The following IRF2 variants were observed in gnomAD, a reference collection of about 807,000 sequenced individuals.
The protein encoded by IRF2 is interferon regulatory factor 2.
In IRF2, 15 loss-of-function variants were observed where a neutral mutation model predicts 40.6. The ratio of observed to expected loss-of-function variants is 0.37; its 90% CI spans 0.25 to 0.57. IRF2 has a LOEUF of 0.57. IRF2 is among the 20% of genes least tolerant of loss of function. The pLI is 0.77. For missense variants in IRF2, 317 were observed against 455.7 expected (o/e 0.70, Z 2.77); for synonymous variants, 151 against 165.5 (o/e 0.91, Z 0.67).
At chr4:184,389,928 G>A (rs2149889697) in intron 8 of IRF2, among the ~76,000 whole-genome samples, 1 of 152,326 alleles carries the variant, frequency 6.6e-6, no homozygotes. Flanking sequence ...GCGGCCTCAG[G>A]GCTGGCTTCA....
chr4:184,432,473 G>A (rs1416928050), intron 1 of IRF2, among the ~76,000 whole-genome samples: 1 of 152,264 alleles, frequency 6.6e-6, no homozygotes, highest in Non-Finnish European at 1.5e-5. Context: ...CTAAGAACCA[G>A]AAGGCTATGA....
At chr4:184,445,673 A>C (rs1738480436) in intron 1 of IRF2, among the ~76,000 whole-genome samples, 2 of 151,710 alleles carry the variant, frequency 1.3e-5, no homozygotes, top group South Asian at 4.1e-4. Flanking sequence ...AAAAAAGAAG[A>C]AGAAGAAGAA....
chr4:184,439,058 A>C (rs757707250), intron 1 of IRF2, among the ~76,000 whole-genome samples: 13 of 152,206 alleles, frequency 8.5e-5, no homozygotes, highest in Non-Finnish European at 1.8e-4. Flanking sequence ...TATCTGCACC[A>C]ATGCAAAACT....
intron 1 of IRF2, among the ~76,000 whole-genome samples, chr4:184,470,369 A>G (rs1739471262): frequency 6.6e-6 from 1 of 152,216 alleles, no homozygotes; most frequent in Non-Finnish European, 1.5e-5. Flanking sequence ...TAAGCATTCA[A>G]TAAATGCACA....
At chr4:184,418,056 A>C in intron 5 of IRF2, 111 bp downstream of exon 5, 1 of 818,486 alleles carries the variant, frequency 1.2e-6, no homozygotes. Flanking sequence ...AGACACAAGC[A>C]AAGGAAGAAA....
intron 6 of IRF2, among the ~76,000 whole-genome samples, chr4:184,406,874 C>T (rs1441515360): frequency 1.3e-5 from 2 of 152,084 alleles, no homozygotes; most frequent in Non-Finnish European, 2.9e-5. Context: ...GAAACAATTC[C>T]CGAAAAAAGA....
rs1737773597 is a variant in IRF2 at position 184,429,045 on chromosome 4, C to A, written c.20G>T (p.Arg7Leu). 6.2e-7 allele frequency: 1 copy of A among 1,614,038 alleles called. No homozygotes were observed. The highest frequency in any genetic ancestry group is 8.5e-7 in the Non-Finnish European group (1 of 1,179,898). The part of the protein sequence containing the change: MPVERM[R>L]MRPWLEEQIN... Reference sequence around the variant, plus strand: ...CTGCTCCTCCAGCCACGGGCGCATGCGCATCCTTTCCACCGGCATGGTGCC... The same window carrying A: ...CTGCTCCTCCAGCCACGGGCGCATGAGCATCCTTTCCACCGGCATGGTGCC... Residue 7 changes from arginine (R) to leucine (L), a missense_variant, in exon 2 of 9, where the codon CGC becomes CTC. By Grantham distance (102) the Arg-to-Leu change is moderately radical. Transcript: ENST00000393593.
intron 2 of IRF2, among the ~76,000 whole-genome samples, chr4:184,427,987 G>C (rs575144233): frequency 5.3e-5 from 8 of 152,258 alleles, no homozygotes; most frequent in African/African-American, 1.4e-4. Context: ...CTTAAAGAAG[G>C]CATGATATAT....
At chr4:184,460,121 A>G (rs1259388500) in intron 1 of IRF2, among the ~76,000 whole-genome samples, 1 of 152,236 alleles carries the variant, frequency 6.6e-6, no homozygotes, top group Non-Finnish European at 1.5e-5. Flanking sequence ...GAATGGACGA[A>G]CACAATCTAG....
rs70959195 is a variant in IRF2 at position 184,419,571 on chromosome 4, GAAAAAAAA to G, written c.88-11_88-4del. On this transcript the variant is annotated splice_polypyrimidine_tract_variant and splice_region_variant and intron_variant, in intron 2 of 8. Transcript: ENST00000393593. ...GGGATCTGAAAAATCTTCTTTTCCT[GAAAAAAAA>G]AAAAAAAAAAAAGGTAAAGAACTGG... 15 of 912,752 alleles carry G rather than the reference GAAAAAAAA, an allele frequency of 1.6e-5. No individual in the cohort carries two copies. The highest frequency in any genetic ancestry group is 5.3e-5 in the East Asian group (2 of 37,566). 56.5% of individuals were successfully genotyped at this position (912,752 alleles called of 1,614,324 possible). A position where few individuals can be genotyped will look rare whatever the true frequency, so the allele number is the denominator to read the frequency against.
intron 5 of IRF2, among the ~76,000 whole-genome samples, chr4:184,415,828 T>A (rs1737246982): frequency 6.6e-6 from 1 of 152,238 alleles, no homozygotes; most frequent in African/African-American, 2.4e-5. Context: ...ATCTATTTAG[T>A]CAACAAATGC....
chr4:184,398,827 C>A (rs2149893071), intron 7 of IRF2, 88 bp downstream of exon 7: 1 of 1,202,206 alleles, frequency 8.3e-7, no homozygotes, highest in East Asian at 2.4e-5. Context: ...AGGAGGGATG[C>A]TCCGTGGGGT....
chr4:184,395,412 C>CAAA (rs34566726), intron 7 of IRF2, among the ~76,000 whole-genome samples: 38,785 of 66,788 alleles, frequency 0.58, 13,534 homozygotes, highest in East Asian at 0.86. Context: ...GACTCCGTCT[C>CAAA]AAAAAAAAAA....
intron 7 of IRF2, among the ~76,000 whole-genome samples, chr4:184,391,306 C>T (rs1239013102): frequency 6.6e-6 from 1 of 152,230 alleles, no homozygotes; most frequent in Non-Finnish European, 1.5e-5. Context: ...TTGGGATTGC[C>T]TCCCTTGAGT....
In IRF2 at chr4:184,413,528, G is replaced by A. The variant is rs1737150008; in HGVS notation, c.411+4639C>T. 6.6e-6 allele frequency among the ~76,000 whole-genome samples: 1 copy of A among 152,208 alleles called. No homozygotes were observed. The highest frequency in any genetic ancestry group is 1.5e-5 in the Non-Finnish European group (1 of 68,034). On this transcript the variant is annotated intron_variant, in intron 5 of 8. Transcript: ENST00000393593. The surrounding 1 kb of genome is among the most constrained non-coding windows in gnomAD (Gnocchi z 4.2). The stretch of plus-strand genomic sequence containing the variant: ...TCACTCCAGTAGCAGCCCTGCCAGG[G>A]AGTGTGCTGTGTTTTAATCCAGCTC...
At chr4:184,464,785 A>C (rs1739265927) in intron 1 of IRF2, among the ~76,000 whole-genome samples, 1 of 152,152 alleles carries the variant, frequency 6.6e-6, no homozygotes, top group Non-Finnish European at 1.5e-5. Flanking sequence ...AGGTTAGGAT[A>C]AGACCCCTGG....
rs142364927 is a variant in IRF2, at chr4:184,405,453, CTA to C, written c.529+2703_529+2704del. Among the ~76,000 whole-genome samples, 1,380 of 152,326 alleles carry C rather than the reference CTA, an allele frequency of 9.1e-3. 13 individuals are homozygous for C. The highest frequency in any genetic ancestry group is 0.015 in the Non-Finnish European group (1,014 of 68,022). ...AGACCCACCACCAACCTCACTGTCT[CTA>C]TGAGCAGCCACAGGGAGCTTAACTC... On this transcript the variant is annotated intron_variant, in intron 6 of 8. Transcript: ENST00000393593.
At chr4:184,420,749 G>A (rs1001491606) in intron 2 of IRF2, among the ~76,000 whole-genome samples, 5 of 152,170 alleles carry the variant, frequency 3.3e-5, no homozygotes, top group Non-Finnish European at 7.3e-5. Context: ...CACATCCACA[G>A]GGACCTCAGT....
chr4:184,441,226 C>T (rs1214176730), intron 1 of IRF2, among the ~76,000 whole-genome samples: 1 of 152,180 alleles, frequency 6.6e-6, no homozygotes, highest in African/African-American at 2.4e-5. Context: ...CCAGCAAACA[C>T]CCAATGAATG....
Sources: allele counts gnomAD v4.1 joint callset (sites outside exome capture counted in the v4.1 genomes callset), GRCh38; gene constraint gnomAD v4.1.1; non-coding constraint Gnocchi (gnomAD v3.1); transcripts MANE v1.5; gene names NCBI Gene and HGNC (gene_info 2026-07-23, HGNC 2026-07-21).